NRG3: variants seen among roughly 807,000 people sequenced by gnomAD.
NRG3 encodes the protein pro-neuregulin-3, membrane-bound isoform.
NRG3 carries 31 observed loss-of-function variants against 66.9 expected under a neutral mutation model. The ratio of observed to expected loss-of-function variants is 0.46; its 90% CI spans 0.35 to 0.63. NRG3 has a LOEUF of 0.63. Among genes scored for constraint, NRG3 ranks in the 20% least tolerant of loss-of-function variants. NRG3 has a pLI of 0.00. For missense variants in NRG3, 910 were observed against 878.9 expected (o/e 1.04, Z -0.45); for synonymous variants, 393 against 359.4 (o/e 1.09, Z -1.06).
Position 82,713,936 on chromosome 10 carries a change from A to G in NRG3, c.954-24641A>G, listed in dbSNP as rs552264355. ...CATTTTTTCCTGAAGATGTGGATGG[A>G]TGCCCTGCTGTCCCAGAGACAGACC... On this transcript the variant is annotated intron_variant, in intron 2 of 8. Transcript: ENST00000372141. Among the ~76,000 whole-genome samples the G allele has an allele frequency of 4.6e-5, 7 of 152,236 alleles. No homozygotes were observed. In the East Asian group the frequency reaches 5.8e-4, roughly 13 times the overall value.
intron 2 of NRG3, among the ~76,000 whole-genome samples, chr10:82,633,627 C>CAGGA (rs2049991407): frequency 6.6e-6 from 1 of 152,144 alleles, no homozygotes. Context: ...GTCCAAGCAT[C>CAGGA]AGGAGTGTGT....
intron 2 of NRG3, among the ~76,000 whole-genome samples, chr10:82,563,742 G>T (rs1410886455): frequency 6.6e-6 from 1 of 151,762 alleles, no homozygotes; most frequent in Non-Finnish European, 1.5e-5. Context: ...ATCATTTTTT[G>T]TGATGAGAAC....
At chr10:82,529,236 T>G (rs1171717603) in intron 2 of NRG3, among the ~76,000 whole-genome samples, 1 of 152,200 alleles carries the variant, frequency 6.6e-6, no homozygotes, top group Non-Finnish European at 1.5e-5. Flanking sequence ...TGGCTTCAGG[T>G]GTCTGTGGTA....
chr10:82,462,571 G>C (rs377165449), intron 2 of NRG3, among the ~76,000 whole-genome samples: 1 of 152,114 alleles, frequency 6.6e-6, no homozygotes, highest in Non-Finnish European at 1.5e-5. Flanking sequence ...GAAGCTGGAG[G>C]CCCAAGGGTC....
At chr10:82,419,712 T>C (rs2088917163) in intron 2 of NRG3, among the ~76,000 whole-genome samples, 1 of 152,152 alleles carries the variant, frequency 6.6e-6, no homozygotes, top group Non-Finnish European at 1.5e-5. Context: ...AAATAAAACG[T>C]AGGAATAGAC....
intron 1 of NRG3, among the ~76,000 whole-genome samples, chr10:82,038,303 A>T (rs1039388861): frequency 6.6e-6 from 1 of 152,080 alleles, no homozygotes; most frequent in Non-Finnish European, 1.5e-5. Context: ...TATACACGGG[A>T]TCACATGTTA....
chr10:82,736,815 C>T (rs1044285863), intron 2 of NRG3, among the ~76,000 whole-genome samples: 1 of 152,192 alleles, frequency 6.6e-6, no homozygotes, highest in African/African-American at 2.4e-5. Context: ...GGATATTCCT[C>T]TTATATTAAA....
intron 1 of NRG3, among the ~76,000 whole-genome samples, chr10:82,351,087 G>T (rs1185451257): frequency 6.6e-6 from 1 of 152,038 alleles, no homozygotes; most frequent in Non-Finnish European, 1.5e-5. Flanking sequence ...GTAGAAACGG[G>T]GTTTCACCGT....
At chr10:82,283,078 G>A (rs1459329188) in intron 1 of NRG3, among the ~76,000 whole-genome samples, 1 of 152,070 alleles carries the variant, frequency 6.6e-6, no homozygotes, top group Non-Finnish European at 1.5e-5. Flanking sequence ...TACAACACGA[G>A]TTCTCCTGTC....
chr10:81,928,155 A>C (rs1203371005), intron 1 of NRG3, among the ~76,000 whole-genome samples: 1 of 152,356 alleles, frequency 6.6e-6, no homozygotes, highest in African/African-American at 2.4e-5. Flanking sequence ...TTTGTGAAAC[A>C]GTTTATCTGC....
intron 3 of NRG3, among the ~76,000 whole-genome samples, chr10:82,842,386 G>T (rs1049235287): frequency 6.6e-6 from 1 of 152,090 alleles, no homozygotes; most frequent in African/African-American, 2.4e-5. Context: ...TTTCATATCT[G>T]GGAATAAAGT....
chr10:82,624,716 T>C (rs2049288793), intron 2 of NRG3, among the ~76,000 whole-genome samples: 1 of 148,310 alleles, frequency 6.7e-6, no homozygotes, highest in South Asian at 2.1e-4. Flanking sequence ...TATATATATA[T>C]ACTATATACA....
At chr10:81,877,545 T>G in intron 1 of NRG3, 3 of 310,436 alleles carry the variant, frequency 9.7e-6, no homozygotes, top group Non-Finnish European at 1.5e-5. Flanking sequence ...GATCTTACCC[T>G]GGGTGTTACT....
intron 1 of NRG3, among the ~76,000 whole-genome samples, chr10:82,017,257 C>T (rs2061828676): frequency 6.6e-6 from 1 of 152,174 alleles, no homozygotes. Flanking sequence ...CTACAAAGGA[C>T]ATGAACTCAT....
At chr10:82,258,303 A>G (rs189023737) in intron 1 of NRG3, among the ~76,000 whole-genome samples, 10 of 152,316 alleles carry the variant, frequency 6.6e-5, no homozygotes, top group Admixed American at 2.6e-4. Context: ...TCTGTTTTCT[A>G]TGACTCATAA....
chr10:81,877,981 A>G (rs1486085792), intron 1 of NRG3: 2 of 1,537,766 alleles, frequency 1.3e-6, no homozygotes, highest in Admixed American at 3.9e-5. Context: ...GTATACCTCC[A>G]ACCCTTGTAT....
At chr10:82,652,949 A>C (rs2051547594) in intron 2 of NRG3, among the ~76,000 whole-genome samples, 1 of 152,196 alleles carries the variant, frequency 6.6e-6, no homozygotes, top group Admixed American at 6.5e-5. Flanking sequence ...ATGTTTCTCT[A>C]GGGTTGGAGT....
At chr10:82,655,786 A>T (rs942394532) in intron 2 of NRG3, among the ~76,000 whole-genome samples, 3 of 152,230 alleles carry the variant, frequency 2.0e-5, no homozygotes, top group Admixed American at 6.5e-5. Context: ...ATATTATGTG[A>T]CTATTAGCAA....
intron 1 of NRG3, among the ~76,000 whole-genome samples, chr10:81,945,945 G>C (rs1007788442): frequency 6.6e-6 from 1 of 152,172 alleles, no homozygotes; most frequent in Non-Finnish European, 1.5e-5. Flanking sequence ...CCGGAAGCTA[G>C]GAGAGAGGCA....
Sources: allele counts gnomAD v4.1 joint callset (sites outside exome capture counted in the v4.1 genomes callset), GRCh38; gene constraint gnomAD v4.1.1; transcripts MANE v1.5; gene names NCBI Gene and HGNC (gene_info 2026-07-23, HGNC 2026-07-21).